Variants in BICC1 observed in about 807,000 individuals in gnomAD.
BICC1 encodes BicC family RNA binding protein 1.
In BICC1, 43 loss-of-function variants were observed where a neutral mutation model predicts 111.0. The observed-to-expected ratio is 0.39, with a 90% CI of 0.30 to 0.50. The LOEUF is 0.50. Among genes scored for constraint, BICC1 ranks in the 20% least tolerant of loss-of-function variants. The probability of loss-of-function intolerance (pLI) is 0.88; values close to 1 mark genes in which losing one functional copy is unlikely to be tolerated. For synonymous variants in BICC1, 467 were observed against 434.4 expected, an observed-to-expected ratio of 1.07 and a Z score of -0.93; for missense variants, 1,091 against 1,203.2, an observed-to-expected ratio of 0.91 and a Z score of 1.38.
chr10:58,635,231 C>T (rs921636188), intron 2 of BICC1, among the ~76,000 whole-genome samples: 1 of 152,164 alleles, frequency 6.6e-6, no homozygotes, highest in African/African-American at 2.4e-5. Context: ...TTGAGAAATA[C>T]AGGCATTTAC....
chr10:58,616,782 T>C (rs1287289440), intron 1 of BICC1, among the ~76,000 whole-genome samples: 1 of 152,224 alleles, frequency 6.6e-6, no homozygotes, highest in African/African-American at 2.4e-5. Flanking sequence ...CAGTTTGCCT[T>C]CATGGGAGGG....
At chr10:58,524,964 C>T (rs1185650751) in intron 1 of BICC1, among the ~76,000 whole-genome samples, 4 of 151,838 alleles carry the variant, frequency 2.6e-5, no homozygotes, top group African/African-American at 2.4e-5. Context: ...TGAAAAAATG[C>T]TCATCATCAC....
rs113464955 is a variant in BICC1, at chr10:58,600,182, G to T, written c.191-20673G>T. 4.5e-3 allele frequency among the ~76,000 whole-genome samples: 684 copies of T among 152,218 alleles called. 5 individuals are homozygous for T. Among genetic ancestry groups the T allele is most frequent in the African/African-American group, 0.014 (580 of 41,536 alleles). ...ACAGCAGCACTGTTTTGAGACATCA[G>T]CTCCCAGCCCTTACTGTTACAACAT... On this transcript the variant is annotated intron_variant, in intron 1 of 20. Coordinates refer to ENST00000373886, the MANE Select transcript of BICC1 (RefSeq NM_001080512.3).
At chr10:58,614,731 T>C (rs1166926480) in intron 1 of BICC1, among the ~76,000 whole-genome samples, 3 of 152,112 alleles carry the variant, frequency 2.0e-5, no homozygotes, top group Admixed American at 2.0e-4. Context: ...CATGACAAAG[T>C]GTGATGTAAT....
At chr10:58,646,277 G>A (rs1838266867) in intron 2 of BICC1, among the ~76,000 whole-genome samples, 1 of 152,100 alleles carries the variant, frequency 6.6e-6, no homozygotes, top group South Asian at 2.1e-4. Context: ...TGATCATATT[G>A]GGGCAAAGTG....
At chr10:58,798,635 G>A in intron 11 of BICC1, 75 bp downstream of exon 11, 2 of 1,352,760 alleles carry the variant, frequency 1.5e-6, no homozygotes, top group Non-Finnish European at 1.9e-6. Flanking sequence ...ATTTACGAAG[G>A]GCTCAGTTTT....
chr10:58,827,849 T>A (rs1355774380), intron 20 of BICC1, among the ~76,000 whole-genome samples: 1 of 152,154 alleles, frequency 6.6e-6, no homozygotes, highest in African/African-American at 2.4e-5. Flanking sequence ...CCACTACCTA[T>A]TGAGCCTCTA....
chr10:58,688,421 A>T (rs1275798508), intron 2 of BICC1, among the ~76,000 whole-genome samples: 1 of 152,086 alleles, frequency 6.6e-6, no homozygotes, highest in Non-Finnish European at 1.5e-5. Context: ...GACAAACAGC[A>T]CTGATTGGTG....
At chr10:58,712,921 G>T (rs867364817) in intron 3 of BICC1, among the ~76,000 whole-genome samples, 2 of 151,956 alleles carry the variant, frequency 1.3e-5, no homozygotes, top group Non-Finnish European at 2.9e-5. Context: ...GCTCTGAGCC[G>T]GAAACTGCCC....
At position 58,562,708 on chromosome 10, in the gene BICC1, T is replaced by C. The variant is rs562988161; in HGVS notation, c.190+49375T>C. ...CTTCTCTTGTGGTCTTACATTGATA[T>C]CTGTGCTCACTGCTTCTGATTTTAT... On this transcript the variant is annotated intron_variant, in intron 1 of 20. Coordinates refer to ENST00000373886, the MANE Select transcript of BICC1 (RefSeq NM_001080512.3). Among the ~76,000 whole-genome samples, 263 of 152,264 alleles carry C rather than the reference T, an allele frequency of 1.7e-3. 1 individual carries two copies. The highest frequency in any genetic ancestry group is 3.0e-3 in the Non-Finnish European group (204 of 68,028).
chr10:58,532,666 A>T (rs559190625), intron 1 of BICC1, among the ~76,000 whole-genome samples: 8 of 151,808 alleles, frequency 5.3e-5, no homozygotes, highest in Non-Finnish European at 1.2e-4. Context: ...AGGGCCAACA[A>T]TTCACAGAAG....
At chr10:58,550,155 C>T (rs970288019) in intron 1 of BICC1, among the ~76,000 whole-genome samples, 3 of 152,050 alleles carry the variant, frequency 2.0e-5, no homozygotes, top group African/African-American at 7.2e-5. Flanking sequence ...GCTGGGACTA[C>T]AGGCAGTGCC....
At chr10:58,663,721 C>A (rs1588989990) in intron 2 of BICC1, among the ~76,000 whole-genome samples, 1 of 152,302 alleles carries the variant, frequency 6.6e-6, no homozygotes, top group East Asian at 1.9e-4. Flanking sequence ...CATCCCGAAA[C>A]CATCTCCCTG....
At chr10:58,770,259 T>A (rs1842587725) in intron 3 of BICC1, among the ~76,000 whole-genome samples, 1 of 152,140 alleles carries the variant, frequency 6.6e-6, no homozygotes, top group Admixed American at 6.5e-5. Flanking sequence ...GAATTTCTAT[T>A]GAGTCATAAT....
At chr10:58,536,464 A>C (rs1455479301) in intron 1 of BICC1, among the ~76,000 whole-genome samples, 2 of 151,804 alleles carry the variant, frequency 1.3e-5, no homozygotes, top group East Asian at 3.9e-4. Flanking sequence ...TTCCTGAGTG[A>C]TTTTTGGGTT....
intron 2 of BICC1, among the ~76,000 whole-genome samples, chr10:58,649,761 T>C (rs1838384886): frequency 6.6e-6 from 1 of 152,206 alleles, no homozygotes; most frequent in Admixed American, 6.5e-5. Context: ...TTGGCTCATC[T>C]AATCCTTCTA....
At position 58,522,950 on chromosome 10, in the gene BICC1, C is replaced by G. The variant is rs1228700658; in HGVS notation, c.190+9617C>G. On this transcript the variant is annotated intron_variant, in intron 1 of 20. Transcript: ENST00000373886. ...CCTCTATGCAAATAAACTAGAAAAT[C>G]TAGAAGAAATGGATTAATTCCTCGA... Among the ~76,000 whole-genome samples the G allele has an allele frequency of 2.0e-5, 3 of 152,150 alleles. No individual in the cohort carries two copies. The South Asian group carries it at 6.2e-4, about 31-fold the overall frequency.
At chr10:58,693,312 T>A (rs1227418894) in intron 2 of BICC1, among the ~76,000 whole-genome samples, 3 of 152,098 alleles carry the variant, frequency 2.0e-5, no homozygotes, top group African/African-American at 7.2e-5. Flanking sequence ...ATAGTGCCGC[T>A]ATAAACATAC....
chr10:58,713,407 G>T (rs1270557572), intron 3 of BICC1, among the ~76,000 whole-genome samples: 1 of 152,116 alleles, frequency 6.6e-6, no homozygotes, highest in Non-Finnish European at 1.5e-5. Context: ...TACCTGTTTT[G>T]TAATAGGCAT....
Sources: allele counts gnomAD v4.1 joint callset (sites outside exome capture counted in the v4.1 genomes callset), GRCh38; gene constraint gnomAD v4.1.1; transcripts MANE v1.5; gene names NCBI Gene and HGNC (gene_info 2026-07-23, HGNC 2026-07-21).